Variants in PHEX observed in about 807,000 individuals in gnomAD.
The protein encoded by PHEX is phosphate-regulating neutral endopeptidase PHEX.
In PHEX, 16 loss-of-function variants were observed where a neutral mutation model predicts 68.0. That is an observed-to-expected ratio of 0.24 (90% CI 0.16 to 0.36). PHEX has a LOEUF of 0.36. PHEX is among the 10% of genes least tolerant of loss of function. The pLI is 1.00. For synonymous variants in PHEX, 208 were observed against 205.1 expected, an observed-to-expected ratio of 1.01 and a Z score of -0.12; for missense variants, 480 against 575.5, an observed-to-expected ratio of 0.83 and a Z score of 1.70.
chrX:22,059,667 G>C (rs970050855), intron 3 of PHEX, among the ~76,000 whole-genome samples: 1 of 111,908 alleles, frequency 8.9e-6, no homozygotes, highest in Non-Finnish European at 1.9e-5. Context: ...GATTGCTAGA[G>C]CAAGATTCAA....
At chrX:22,162,264 G>C (rs775802444) in intron 12 of PHEX, among the ~76,000 whole-genome samples, 2 of 112,300 alleles carry the variant, frequency 1.8e-5, no homozygotes, top group South Asian at 7.4e-4. Flanking sequence ...CATGCTCCAA[G>C]AAGCTTGTAC....
intron 20 of PHEX, among the ~76,000 whole-genome samples, chrX:22,230,213 T>TTGGCTATGATTGTC (rs1935666608): frequency 1.2e-5 from 1 of 86,775 alleles, no homozygotes; most frequent in Non-Finnish European, 2.2e-5. Context: ...TTAGGATTGT[T>TTGGCTATGATTGTC]TTGGCTATAT....
chrX:22,139,544 T>C (rs1043302897), intron 12 of PHEX, among the ~76,000 whole-genome samples: 8 of 110,133 alleles, frequency 7.3e-5, no homozygotes, highest in Non-Finnish European at 1.5e-4. Flanking sequence ...GTTACAATCA[T>C]AGCTCACTGC....
intron 18 of PHEX, among the ~76,000 whole-genome samples, chrX:22,225,737 C>T (rs1388892182): frequency 8.9e-6 from 1 of 112,291 alleles, no homozygotes; most frequent in Non-Finnish European, 1.9e-5. Flanking sequence ...CCAGTCTTAC[C>T]TTGAAGCCTG....
At chrX:22,040,478 G>T (rs747885993) in intron 2 of PHEX, among the ~76,000 whole-genome samples, 1 of 111,710 alleles carries the variant, frequency 9.0e-6, no homozygotes, top group South Asian at 3.8e-4. Context: ...AAGAAAGAAA[G>T]AGGAATATCA....
At chrX:22,135,155 A>C (rs1217534345) in intron 12 of PHEX, among the ~76,000 whole-genome samples, 1 of 111,750 alleles carries the variant, frequency 8.9e-6, no homozygotes, top group Non-Finnish European at 1.9e-5. Flanking sequence ...CGTTGGAGGA[A>C]GACAAAGAGT....
At chrX:22,033,243 GT>G in intron 1 of PHEX, 120 bp downstream of exon 1, 2 of 537,855 alleles carry the variant, frequency 3.7e-6, no homozygotes, top group Non-Finnish European at 6.7e-6. Flanking sequence ...TTCATAGGTG[GT>G]GTATCTTTAG....
rs764945157 is a variant in PHEX, at chrX:22,044,552, T to C, written c.188-2498T>C. 4.5e-3 allele frequency among the ~76,000 whole-genome samples: 484 copies of C among 108,249 alleles called. 2 individuals are homozygous for C. The highest frequency in any genetic ancestry group is 0.015 in the African/African-American group (450 of 29,756). 94.0% of individuals were successfully genotyped at this position (108,249 alleles called of 115,157 possible). ...TGGTGAAACCTGTCTCTACTAAAAA[T>C]ACAAAAAAAAATTAGCCGGGCGTGG... On this transcript the variant is annotated intron_variant, in intron 2 of 21. Transcript: ENST00000379374.
At chrX:22,244,131 C>T (rs745756930) in intron 20 of PHEX, among the ~76,000 whole-genome samples, 1 of 111,491 alleles carries the variant, frequency 9.0e-6, no homozygotes, top group Non-Finnish European at 1.9e-5. Flanking sequence ...ATGTTCTTTG[C>T]AGGGACATGG....
At chrX:22,098,982 C>T (rs1930289406) in intron 8 of PHEX, 24 bp from the exon 9 acceptor site, 1 of 1,200,604 alleles carries the variant, frequency 8.3e-7, no homozygotes. Context: ...TTCTCTCATT[C>T]TGTTTTGTTC....
intron 5 of PHEX, among the ~76,000 whole-genome samples, chrX:22,085,958 T>C (rs1929611397): frequency 8.9e-6 from 1 of 112,026 alleles, no homozygotes; most frequent in African/African-American, 3.2e-5. Flanking sequence ...ATATTTGCTT[T>C]ATATACTTAG....
chrX:22,054,421 C>T (rs898586787), intron 3 of PHEX, among the ~76,000 whole-genome samples: 1 of 112,110 alleles, frequency 8.9e-6, no homozygotes, highest in Non-Finnish European at 1.9e-5. Context: ...AGGTGTGAGC[C>T]ACCGCACCCG....
At chrX:22,037,100 G>GGA (rs752843835) in intron 1 of PHEX, among the ~76,000 whole-genome samples, 16,291 of 84,140 alleles carry the variant, frequency 0.19, 1,236 homozygotes, top group East Asian at 0.29. Flanking sequence ...CTCTTGTCTC[G>GGA]AAAAAAAAAA....
intron 8 of PHEX, chrX:22,097,745 T>C: frequency 1.4e-6 from 1 of 715,438 alleles, no homozygotes; most frequent in Non-Finnish European, 1.7e-6. Flanking sequence ...CTCTGAAGAA[T>C]GGAGGCATGT....
At position 22,090,708 on chromosome X, in the gene PHEX, A is replaced by G. The variant is rs1929842019; in HGVS notation, c.732+211A>G. Among the ~76,000 whole-genome samples the G allele has an allele frequency of 2.7e-5, 3 of 112,255 alleles. No individual in the cohort carries two copies. The South Asian group carries it at 1.1e-3, about 42-fold the overall frequency. ...AAGGCTGTACAAGTCTCAGTACTCA[A>G]TGCCCTTATCTAGCTTGGGAGACAG... On this transcript the variant is annotated intron_variant, in intron 6 of 21. Transcript: ENST00000379374.
intron 6 of PHEX, among the ~76,000 whole-genome samples, chrX:22,093,659 C>T (rs1221369362): frequency 4.5e-5 from 5 of 111,814 alleles, no homozygotes; most frequent in Admixed American, 2.8e-4. Flanking sequence ...GAAGTCTGAC[C>T]TTTAACTTTC....
chrX:22,062,579 T>C (rs960368029), intron 3 of PHEX, among the ~76,000 whole-genome samples: 1 of 111,494 alleles, frequency 9.0e-6, no homozygotes, highest in South Asian at 3.8e-4. Context: ...ACCAGCCACA[T>C]TGCAATACCC....
intron 3 of PHEX, among the ~76,000 whole-genome samples, chrX:22,061,440 C>T (rs1928359455): frequency 9.0e-6 from 1 of 111,431 alleles, no homozygotes; most frequent in Non-Finnish European, 1.9e-5. Flanking sequence ...CCCCATTTCT[C>T]CTCTGATTTA....
At chrX:22,210,352 T>G (rs1934880516) in intron 15 of PHEX, among the ~76,000 whole-genome samples, 1 of 112,007 alleles carries the variant, frequency 8.9e-6, no homozygotes, top group African/African-American at 3.2e-5. Flanking sequence ...TAGAGGCTCA[T>G]GCAGGTGTCA....
Sources: allele counts gnomAD v4.1 joint callset (sites outside exome capture counted in the v4.1 genomes callset), GRCh38; gene constraint gnomAD v4.1.1; transcripts MANE v1.5; gene names NCBI Gene and HGNC (gene_info 2026-07-23, HGNC 2026-07-21).